The following UGT1A4 variants were observed in gnomAD, a reference collection of about 807,000 sequenced individuals.
The protein encoded by UGT1A4 is UDP glucuronosyltransferase family 1 member A4.
UGT1A4 carries 32 observed loss-of-function variants against 41.1 expected under a neutral mutation model. That is an observed-to-expected ratio of 0.78 (90% CI 0.59 to 1.05). UGT1A4 has a LOEUF of 1.05. UGT1A4 is among the 50% of genes least tolerant of loss of function. The probability of loss-of-function intolerance (pLI) is 0.00; values close to 1 mark genes in which losing one functional copy is unlikely to be tolerated. For synonymous variants in UGT1A4, 283 were observed against 265.1 expected (o/e 1.07, Z -0.66); for missense variants, 748 against 677.4 (o/e 1.10, Z -1.16).
intron 1 of UGT1A4, among the ~76,000 whole-genome samples, chr2:233,745,103 T>C (rs1575669883): frequency 2.6e-5 from 4 of 152,036 alleles, no homozygotes; most frequent in Middle Eastern, 3.4e-3. Flanking sequence ...CAAATATTTT[T>C]AATCTGCTGT....
At chr2:233,744,445 T>A (rs1692819462) in intron 1 of UGT1A4, among the ~76,000 whole-genome samples, 1 of 151,876 alleles carries the variant, frequency 6.6e-6, no homozygotes, top group Non-Finnish European at 1.5e-5. Context: ...ACGTACTGCA[T>A]TAGAGATTAA....
At chr2:233,743,851 C>G in intron 1 of UGT1A4, 1 of 1,367,244 alleles carries the variant, frequency 7.3e-7, no homozygotes, top group Non-Finnish European at 9.8e-7. Context: ...GCTTGCGGTA[C>G]GCCTTCTTGA....
chr2:233,768,757 A>AT (rs2126041506), intron 4 of UGT1A4, among the ~76,000 whole-genome samples: 1 of 151,338 alleles, frequency 6.6e-6, no homozygotes, highest in African/African-American at 2.4e-5. Context: ...TAATTTTTGT[A>AT]TTTTTTAGTA....
chr2:233,718,981 G>C lies in UGT1A4; in HGVS notation c.161G>C (p.Arg54Thr). 1.9e-6 allele frequency: 3 copies of C among 1,614,238 alleles called. No homozygotes were observed. The highest frequency in any genetic ancestry group is 2.5e-6 in the Non-Finnish European group (3 of 1,180,048). ...MREALRELHA[R>T]GHQAVVLTPE... ...GAGGCCTTGCGGGAGCTCCATGCCA[G>C]AGGCCACCAGGCGGTGGTCCTCACC... The change falls in exon 1 of 5, where the codon AGA becomes ACA. Residue 54 changes from arginine to threonine, a missense_variant. By Grantham distance (71) the Arg-to-Thr change is moderately conservative. Transcript: ENST00000373409.
At chr2:233,749,714 G>C (rs1485343485) in intron 1 of UGT1A4, among the ~76,000 whole-genome samples, 2 of 151,806 alleles carry the variant, frequency 1.3e-5, no homozygotes, top group Non-Finnish European at 2.9e-5. Flanking sequence ...TGGATCATGG[G>C]GGCAGTTTCG....
rs2077433464 is a variant in UGT1A4, at chr2:233,725,312, A to AGAGGCAGAGGCG, written c.867+5630_867+5631insAGAGGCGGAGGC. ...CAGAGGCAGAGGCAGAGGCAGAGGCAGAGGCGCCTGGTCAACAATCTTAAG... is the reference window on the plus strand; with the variant it reads ...CAGAGGCAGAGGCAGAGGCAGAGGCAGAGGCAGAGGCGGAGGCGCCTGGTCAACAATCTTAAG... On this transcript the variant is annotated intron_variant, in intron 1 of 4. Transcript: ENST00000373409. 1.8e-5 allele frequency among the ~76,000 whole-genome samples: 2 copies of AGAGGCAGAGGCG among 110,292 alleles called. 1 individual carries two copies. Among genetic ancestry groups the AGAGGCAGAGGCG allele is most frequent in the Non-Finnish European group, 3.5e-5 (2 of 56,414 alleles). 72.4% of individuals were successfully genotyped at this position (110,292 alleles called of 152,430 possible).
At chr2:233,750,789 A>G (rs555312200) in intron 1 of UGT1A4, 1 of 151,930 alleles carries the variant, frequency 6.6e-6, no homozygotes, top group African/African-American at 2.4e-5. Context: ...TACACAGAAG[A>G]TAAGAATTTA....
intron 1 of UGT1A4, among the ~76,000 whole-genome samples, chr2:233,726,093 G>T (rs2077501561): frequency 6.6e-6 from 1 of 152,308 alleles, no homozygotes; most frequent in South Asian, 2.1e-4. Context: ...TTGATCCGAG[G>T]AGGTGGAGGC....
Position 233,747,651 on chromosome 2 carries a change from G to A in UGT1A4, c.868-19383G>A, listed in dbSNP as rs566750548. ...CAGGCACCTGAATGCTACTTCCTTC[G>A]ATGTGGTTTTAATAGACCCAATTTA... On this transcript the variant is annotated intron_variant, in intron 1 of 4. Coordinates refer to ENST00000373409, the MANE Select transcript of UGT1A4 (RefSeq NM_007120.3). The A allele has an allele frequency of 2.5e-5, 39 of 1,588,728 alleles. No individual in the cohort carries two copies. The African/African-American group carries it at 3.1e-4, about 13-fold the overall frequency.
intron 1 of UGT1A4, among the ~76,000 whole-genome samples, chr2:233,766,739 C>T (rs1028534873): frequency 6.6e-6 from 1 of 152,120 alleles, no homozygotes; most frequent in East Asian, 1.9e-4. Context: ...TGTGTATGTA[C>T]AGGTGTGTGC....
At chr2:233,767,390 G>C (rs946979684) in intron 2 of UGT1A4, among the ~76,000 whole-genome samples, 5 of 152,078 alleles carry the variant, frequency 3.3e-5, no homozygotes, top group Admixed American at 2.6e-4. Context: ...ACACTCAGAA[G>C]TATCATTTTC....
chr2:233,748,324 T>A (rs1693918932), intron 1 of UGT1A4, among the ~76,000 whole-genome samples: 2 of 151,746 alleles, frequency 1.3e-5, no homozygotes, highest in South Asian at 4.1e-4. Flanking sequence ...AGGACTGATG[T>A]GACTCATGGA....
intron 1 of UGT1A4, chr2:233,747,401 A>G: frequency 6.2e-7 from 1 of 1,606,744 alleles, no homozygotes; most frequent in East Asian, 2.2e-5. Flanking sequence ...TCCTCACCCC[A>G]GAGGTGAATA....
chr2:233,726,720 A>G (rs1047156507), intron 1 of UGT1A4, among the ~76,000 whole-genome samples: 16 of 152,220 alleles, frequency 1.1e-4, no homozygotes, highest in African/African-American at 3.4e-4. Context: ...AGGAAGTACA[A>G]TGTAGATACT....
At chr2:233,729,415 A>G (rs914222718) in intron 1 of UGT1A4, 1 of 1,613,668 alleles carries the variant, frequency 6.2e-7, no homozygotes. Flanking sequence ...GCTGGGCCAC[A>G]CTCAACTGTA....
At chr2:233,731,193 A>T (rs750244105) in intron 1 of UGT1A4, among the ~76,000 whole-genome samples, 1 of 152,062 alleles carries the variant, frequency 6.6e-6, no homozygotes, top group Admixed American at 6.6e-5. Context: ...TAATTATTCA[A>T]TTATAAAATA....
chr2:233,760,116 A>G lies in UGT1A4; in HGVS notation c.868-6918A>G. 2.4e-6 allele frequency: 3 copies of G among 1,260,492 alleles called. No homozygotes were observed. In the South Asian group the frequency reaches 4.7e-5, roughly 20 times the overall value. The allele number at this position is 1,260,492 out of a possible 1,614,324, so 78.1% of individuals were successfully genotyped here. ...GTTGTTGCCTATTAAGAAACCTAATAAAGCTCCACCTTCTTTATCTCTGAA... is the reference window on the plus strand; with the variant it reads ...GTTGTTGCCTATTAAGAAACCTAATGAAGCTCCACCTTCTTTATCTCTGAA... On this transcript the variant is annotated intron_variant, in intron 1 of 4. Transcript: ENST00000373409.
At chr2:233,724,576 G>A (rs1380708117) in intron 1 of UGT1A4, among the ~76,000 whole-genome samples, 1 of 128,988 alleles carries the variant, frequency 7.8e-6, no homozygotes, top group South Asian at 3.2e-4. Flanking sequence ...GCGGGGCAGA[G>A]GCGCTCCCCA....
intron 1 of UGT1A4, among the ~76,000 whole-genome samples, chr2:233,756,629 A>G (rs1696275606): frequency 6.6e-6 from 1 of 152,204 alleles, no homozygotes; most frequent in South Asian, 2.1e-4. Flanking sequence ...GGCCGTGTGT[A>G]TAGCACTGGG....
Sources: gnomAD v4.1 joint callset for allele counts (sites outside exome capture counted in the v4.1 genomes callset) on GRCh38, gnomAD v4.1.1 for gene constraint, MANE v1.5 for transcripts, NCBI Gene and HGNC (gene_info 2026-07-23, HGNC 2026-07-21) for gene names.